HEPACAM: variants seen among roughly 807,000 people sequenced by gnomAD.
HEPACAM encodes the protein hepatic and glial cell adhesion molecule.
In HEPACAM, 18 loss-of-function variants were observed where a neutral mutation model predicts 38.3. The observed-to-expected ratio is 0.47, with a 90% CI of 0.33 to 0.70. The LOEUF (loss-of-function observed/expected upper bound fraction) is 0.70. Among genes scored for constraint, HEPACAM ranks in the 30% least tolerant of loss-of-function variants. The pLI is 0.03. For missense variants in HEPACAM, 466 were observed against 563.0 expected (o/e 0.83, Z 1.74); for synonymous variants, 216 against 243.1 (o/e 0.89, Z 1.04).
rs146332550 is a variant in HEPACAM at position 124,935,804 on chromosome 11, A to G, written c.85+118T>C. On this transcript the variant is annotated intron_variant, in intron 1 of 6. Transcript: ENST00000298251. The stretch of plus-strand genomic sequence containing the variant: ...AATTCCCTGACATGTTTCCCACGGC[A>G]GCTGAACTCTCCCCCACTCCTGCCC... 1,098 of 807,072 alleles carry G rather than the reference A, an allele frequency of 1.4e-3. 4 individuals are homozygous for G. Among genetic ancestry groups the G allele is most frequent in the East Asian group, 0.01 (397 of 38,290 alleles). 50.0% of individuals were successfully genotyped at this position (807,072 alleles called of 1,614,324 possible).
At chr11:124,935,307 TTGTG>T (rs57032842) in intron 1 of HEPACAM, among the ~76,000 whole-genome samples, 126 of 150,790 alleles carry the variant, frequency 8.4e-4, no homozygotes, top group African/African-American at 1.4e-3. Flanking sequence ...TGCTCTGTAA[TTGTG>T]TGTGTGTGTG....
At chr11:124,927,107 T>C (rs1349416646) in intron 1 of HEPACAM, among the ~76,000 whole-genome samples, 2 of 152,156 alleles carry the variant, frequency 1.3e-5, no homozygotes, top group Admixed American at 6.6e-5. Context: ...CCTGACCTTG[T>C]GATCTGCCCG....
chr11:124,924,755 C>T lies in HEPACAM; in HGVS notation c.400G>A (p.Glu134Lys), dbSNP rs775330508. ...ISITDDTFTG[E>K]KTINLTVDVP... ...TCTACAGTAAGGTTGATGGTCTTCT[C>T]CCCAGTGAAGGTGTCGTCGGTGATG... Residue 134 changes from glutamate to lysine, a missense_variant, in exon 2 of 7, where the codon GAG becomes AAG. Transcript: ENST00000298251. This position sits in a 1 kb window ranked among gnomAD's most constrained non-coding sequence, Gnocchi z 4.4. 2 of 1,614,086 alleles carry T rather than the reference C, an allele frequency of 1.2e-6. No homozygotes were observed. The highest frequency in any genetic ancestry group is 2.2e-5 in the South Asian group (2 of 91,078).
intron 1 of HEPACAM, among the ~76,000 whole-genome samples, chr11:124,931,395 A>G (rs959204302): frequency 2.6e-5 from 4 of 152,010 alleles, no homozygotes; most frequent in Admixed American, 2.0e-4. Context: ...ATTATAGAGA[A>G]GAGATCTTAC....
intron 1 of HEPACAM, among the ~76,000 whole-genome samples, chr11:124,932,443 A>G (rs1315879652): frequency 1.3e-5 from 2 of 152,184 alleles, no homozygotes; most frequent in Non-Finnish European, 2.9e-5. Flanking sequence ...TTTTTATTTG[A>G]ATGTTTCATA....
At chr11:124,923,678 C>A in intron 3 of HEPACAM, 51 bp downstream of exon 3, 1 of 1,608,746 alleles carries the variant, frequency 6.2e-7, no homozygotes, top group South Asian at 1.1e-5. Flanking sequence ...CTCATGGTCA[C>A]CTGCCTCTTG....
At chr11:124,930,274 G>C (rs4245059) in intron 1 of HEPACAM, among the ~76,000 whole-genome samples, 50,683 of 151,978 alleles carry the variant, frequency 0.33, 10,932 homozygotes, top group East Asian at 0.69. Context: ...AAACCACCCC[G>C]CTCCTCTGCT....
chr11:124,934,492 A>G lies in HEPACAM; in HGVS notation c.85+1430T>C, dbSNP rs998124134. Among the ~76,000 whole-genome samples the G allele has an allele frequency of 2.0e-5, 3 of 150,762 alleles. No individual in the cohort carries two copies. In the South Asian group the frequency reaches 6.3e-4, roughly 32 times the overall value. The stretch of plus-strand genomic sequence containing the variant: ...CCTAATCTAGTATGTGTCCTTATAA[A>G]AAGGGGAAATGTGGACATAGACATG... On this transcript the variant is annotated intron_variant, in intron 1 of 6. Coordinates refer to ENST00000298251, the MANE Select transcript of HEPACAM (RefSeq NM_152722.5).
At chr11:124,925,166 C>G (rs1414989661) in intron 1 of HEPACAM, 97 bp from the exon 2 acceptor site, 1 of 921,720 alleles carries the variant, frequency 1.1e-6, no homozygotes, top group Non-Finnish European at 1.6e-6. Flanking sequence ...AAAGCTTCGC[C>G]TCTCTGGCTC....
chr11:124,921,443 G>A lies in HEPACAM; in HGVS notation c.949-3C>T, dbSNP rs1028299747. The A allele has an allele frequency of 2.4e-6, 3 of 1,264,490 alleles. No homozygotes were observed. Among genetic ancestry groups the A allele is most frequent in the Admixed American group, 3.8e-5 (1 of 26,330 alleles). The allele number at this position is 1,264,490 out of a possible 1,614,324, so 78.3% of individuals were successfully genotyped here. A position where few individuals can be genotyped will look rare whatever the true frequency, so the allele number is the denominator to read the frequency against. ...TTCTCCTCGGTCTCCGGGGAGTCCT[G>A]CAAGGACACGCGCCGCAGGGGTCAG... is the stretch of plus-strand genomic sequence containing the variant. On this transcript the variant is annotated splice_region_variant and splice_polypyrimidine_tract_variant and intron_variant, in intron 6 of 6. Transcript: ENST00000298251. The surrounding 1 kb of genome is among the most constrained non-coding windows in gnomAD (Gnocchi z 4.6).
At chr11:124,922,220 C>T (rs1277243797) in intron 6 of HEPACAM, among the ~76,000 whole-genome samples, 168 bp downstream of exon 6, 1 of 152,192 alleles carries the variant, frequency 6.6e-6, no homozygotes, top group African/African-American at 2.4e-5. Flanking sequence ...TGAAACCACC[C>T]GCATCACCAT....
At chr11:124,929,538 G>A (rs1947258747) in intron 1 of HEPACAM, among the ~76,000 whole-genome samples, 1 of 152,138 alleles carries the variant, frequency 6.6e-6, no homozygotes, top group Non-Finnish European at 1.5e-5. Context: ...CACAACTAAG[G>A]TCCAGAGTGG....
In HEPACAM at chr11:124,921,365, C is replaced by T. The variant is rs925993541; in HGVS notation, c.1024G>A (p.Val342Met). ...ATEPGPPGYS[V>M]SPAVPGRSPG... ...GAGCGGCCGGGCACGGCGGGAGACACGGAGTAGCCGGGCGGGCCGGGCTCC... is the reference window on the plus strand; with the variant it reads ...GAGCGGCCGGGCACGGCGGGAGACATGGAGTAGCCGGGCGGGCCGGGCTCC... The change falls in exon 7 of 7, where the codon GTG becomes ATG. Residue 342 changes from valine (V) to methionine (M), a missense_variant. Val to Met is a conservative substitution (Grantham distance 21). Transcript: ENST00000298251. The surrounding 1 kb of genome is among the most constrained non-coding windows in gnomAD (Gnocchi z 4.6). 7 of 1,269,476 alleles carry T rather than the reference C, an allele frequency of 5.5e-6. No individual in the cohort carries two copies. The highest frequency in any genetic ancestry group is 1.5e-5 in the African/African-American group (1 of 64,826). The allele number at this position is 1,269,476 out of a possible 1,614,324, so 78.6% of individuals were successfully genotyped here.
chr11:124,919,725 A>G lies in HEPACAM; in HGVS notation c.*1413T>C. 1.2e-6 allele frequency: 2 copies of G among 1,610,398 alleles called. No homozygotes were observed. The highest frequency in any genetic ancestry group is 1.7e-6 in the Non-Finnish European group (2 of 1,178,228). ...AAATGTCAGTGCCTTTGGGGCTGAG[A>G]CAAAACTTGACCTGGTGTGGAGGTG... On this transcript the variant is annotated 3_prime_UTR_variant, in exon 7 of 7. Coordinates refer to ENST00000298251, the MANE Select transcript of HEPACAM (RefSeq NM_152722.5).
chr11:124,922,505 C>T (rs767734076), intron 5 of HEPACAM, 47 bp from the exon 6 acceptor site: 12 of 1,603,930 alleles, frequency 7.5e-6, no homozygotes, highest in Non-Finnish European at 1.0e-5. Flanking sequence ...ACAGACTCTC[C>T]CCACCAGCCG....
At chr11:124,932,765 G>T (rs1233981312) in intron 1 of HEPACAM, among the ~76,000 whole-genome samples, 3 of 151,998 alleles carry the variant, frequency 2.0e-5, no homozygotes, top group African/African-American at 4.8e-5. Flanking sequence ...GACCTTGTTT[G>T]GCAAAGTCTT....
At chr11:124,927,136 C>T (rs911838865) in intron 1 of HEPACAM, among the ~76,000 whole-genome samples, 9 of 152,288 alleles carry the variant, frequency 5.9e-5, no homozygotes, top group African/African-American at 2.2e-4. Context: ...TCCCAAAGTG[C>T]TGGGATTACA....
chr11:124,935,659 C>T (rs185120057), intron 1 of HEPACAM, among the ~76,000 whole-genome samples: 195 of 152,326 alleles, frequency 1.3e-3, no homozygotes, highest in African/African-American at 4.1e-3. Context: ...GCCCAGTGCC[C>T]GCCATCTAAT....
Position 124,934,564 on chromosome 11 carries a change from G to A in HEPACAM, c.85+1358C>T, listed in dbSNP as rs149302940. Among the ~76,000 whole-genome samples, 457 of 151,736 alleles carry A rather than the reference G, an allele frequency of 3.0e-3. 1 individual carries two copies. Among genetic ancestry groups the A allele is most frequent in the African/African-American group, 9.8e-3 (407 of 41,334 alleles). On this transcript the variant is annotated intron_variant, in intron 1 of 6. Coordinates refer to ENST00000298251, the MANE Select transcript of HEPACAM (RefSeq NM_152722.5). The stretch of plus-strand genomic sequence containing the variant: ...CAAGACTGGAGTGATGCTGCCACAA[G>A]TCAAGGAATTACCAGAAGCTAGGAG...
Sources: allele counts gnomAD v4.1 joint callset (sites outside exome capture counted in the v4.1 genomes callset), GRCh38; gene constraint gnomAD v4.1.1; non-coding constraint Gnocchi (gnomAD v3.1); transcripts MANE v1.5; gene names NCBI Gene and HGNC (gene_info 2026-07-23, HGNC 2026-07-21).